DDX10: variants seen among roughly 807,000 people sequenced by gnomAD.
DDX10 encodes the protein probable ATP-dependent RNA helicase DDX10.
DDX10 carries 74 observed loss-of-function variants against 104.3 expected under a neutral mutation model. That is an observed-to-expected ratio of 0.71 (90% confidence interval 0.59 to 0.86). The LOEUF is 0.86. Among genes scored for constraint, DDX10 ranks in the 40% least tolerant of loss-of-function variants. DDX10 has a pLI of 0.00. For synonymous variants in DDX10, 351 were observed against 353.4 expected (o/e 0.99, Z 0.08); for missense variants, 952 against 1,040.0 (o/e 0.92, Z 1.16).
At chr11:108,776,857 A>G (rs2094370570) in intron 13 of DDX10, among the ~76,000 whole-genome samples, 1 of 152,216 alleles carries the variant, frequency 6.6e-6, no homozygotes, top group Non-Finnish European at 1.5e-5. Flanking sequence ...CAGTCCTACA[A>G]CCGGAAAGGA....
intron 17 of DDX10, among the ~76,000 whole-genome samples, chr11:108,927,196 G>C (rs1863920133): frequency 6.6e-6 from 1 of 152,198 alleles, no homozygotes; most frequent in Non-Finnish European, 1.5e-5. Context: ...TGCTCAGACA[G>C]TCTAATAAAG....
chr11:108,864,355 T>C (rs1319251539), intron 16 of DDX10, among the ~76,000 whole-genome samples: 2 of 152,052 alleles, frequency 1.3e-5, no homozygotes, highest in Non-Finnish European at 2.9e-5. Flanking sequence ...TATATATGTA[T>C]AATTATGATA....
At chr11:108,903,611 C>T (rs753484888) in intron 16 of DDX10, among the ~76,000 whole-genome samples, 17 of 152,102 alleles carry the variant, frequency 1.1e-4, no homozygotes, top group East Asian at 9.6e-4. Flanking sequence ...AATCTAGAGA[C>T]GACTTAAAGT....
chr11:108,685,761 T>C (rs1398526482), intron 6 of DDX10, among the ~76,000 whole-genome samples: 1 of 152,244 alleles, frequency 6.6e-6, no homozygotes, highest in Non-Finnish European at 1.5e-5. Flanking sequence ...ATCTCTTTTC[T>C]CTTCTGCCAA....
intron 10 of DDX10, among the ~76,000 whole-genome samples, chr11:108,715,612 A>C (rs919121456): frequency 1.3e-5 from 2 of 152,226 alleles, no homozygotes; most frequent in African/African-American, 4.8e-5. Flanking sequence ...TAAGTAGCCA[A>C]TGCTAACTGT....
intron 13 of DDX10, among the ~76,000 whole-genome samples, chr11:108,831,482 A>G (rs1862471290): frequency 6.7e-6 from 1 of 149,834 alleles, no homozygotes; most frequent in African/African-American, 2.4e-5. Flanking sequence ...GGCTTCAGCT[A>G]TAATAGGTAA....
chr11:108,884,064 C>G (rs954172928), intron 16 of DDX10, among the ~76,000 whole-genome samples: 2 of 152,286 alleles, frequency 1.3e-5, no homozygotes, highest in Non-Finnish European at 2.9e-5. Flanking sequence ...TTGATGAACC[C>G]TAAATTTCTA....
intron 11 of DDX10, 125 bp downstream of exon 11, chr11:108,716,091 A>G (rs2094290946): frequency 1.5e-6 from 1 of 666,022 alleles, no homozygotes; most frequent in Non-Finnish European, 2.7e-6. Context: ...GCTGACAGAT[A>G]AGTCTAGCTT....
At chr11:108,926,083 A>G (rs1329926135) in intron 17 of DDX10, among the ~76,000 whole-genome samples, 1 of 152,212 alleles carries the variant, frequency 6.6e-6, no homozygotes, top group Non-Finnish European at 1.5e-5. Context: ...AATGTTCTAC[A>G]TGCAGATTAG....
intron 13 of DDX10, 118 bp downstream of exon 13, chr11:108,723,580 A>G (rs751993750): frequency 1.0e-4 from 99 of 973,326 alleles, no homozygotes; most frequent in Non-Finnish European, 1.5e-4. Flanking sequence ...TTTCTTTGCA[A>G]TGAACTCTTC....
At chr11:108,677,643 A>AT (rs1228964672) in intron 4 of DDX10, among the ~76,000 whole-genome samples, 2 of 150,644 alleles carry the variant, frequency 1.3e-5, no homozygotes, top group East Asian at 3.9e-4. Context: ...CTTTAGAGGA[A>AT]TGTTTATAGT....
rs114980077 is a variant in DDX10, at chr11:108,786,963, G to T, written c.1966-51483G>T. ...TCTGTGAGCTATTGTGCTTGAGTGT[G>T]TTTTAGTGGTAGCAGGTTTTAAACT... On this transcript the variant is annotated intron_variant, in intron 13 of 17. Coordinates refer to ENST00000322536, the MANE Select transcript of DDX10 (RefSeq NM_004398.4). Among the ~76,000 whole-genome samples, 251 of 152,226 alleles carry T rather than the reference G, an allele frequency of 1.6e-3. 1 individual carries two copies. Among genetic ancestry groups the T allele is most frequent in the African/African-American group, 5.9e-3 (243 of 41,538 alleles).
intron 1 of DDX10, among the ~76,000 whole-genome samples, chr11:108,666,908 A>T (rs1432751694): frequency 6.6e-6 from 1 of 152,150 alleles, no homozygotes; most frequent in Non-Finnish European, 1.5e-5. Flanking sequence ...TCAGCACCAC[A>T]TCCTAGCTCC....
intron 16 of DDX10, among the ~76,000 whole-genome samples, chr11:108,915,520 T>C (rs1863736691): frequency 6.6e-6 from 1 of 151,892 alleles, no homozygotes; most frequent in African/African-American, 2.4e-5. Context: ...AAAAATTATA[T>C]AATGCAATGT....
At chr11:108,784,123 T>C (rs1329508138) in intron 13 of DDX10, among the ~76,000 whole-genome samples, 2 of 152,190 alleles carry the variant, frequency 1.3e-5, no homozygotes, top group Non-Finnish European at 2.9e-5. Flanking sequence ...TACAAGTACA[T>C]ATATGTTTTT....
intron 11 of DDX10, among the ~76,000 whole-genome samples, chr11:108,717,007 C>T (rs528472707): frequency 4.7e-4 from 72 of 152,034 alleles, no homozygotes; most frequent in Middle Eastern, 6.8e-3. Flanking sequence ...GCTTTCCAAT[C>T]TTTCTAATCT....
At chr11:108,802,613 C>CT (rs1410189503) in intron 13 of DDX10, among the ~76,000 whole-genome samples, 1 of 152,096 alleles carries the variant, frequency 6.6e-6, no homozygotes, top group Non-Finnish European at 1.5e-5. Context: ...TTTTCTGAAA[C>CT]TTTTTTCTCT....
At chr11:108,706,030 G>A (rs977085698) in intron 9 of DDX10, among the ~76,000 whole-genome samples, 2 of 151,720 alleles carry the variant, frequency 1.3e-5, no homozygotes, top group African/African-American at 4.8e-5. Context: ...GGAGTGCAGT[G>A]GCATGATCTC....
intron 13 of DDX10, among the ~76,000 whole-genome samples, chr11:108,785,684 T>A (rs940509025): frequency 6.6e-6 from 1 of 152,164 alleles, no homozygotes; most frequent in Non-Finnish European, 1.5e-5. Context: ...CAGGAACTTA[T>A]CCATTTCCTC....
Sources: allele counts gnomAD v4.1 joint callset (sites outside exome capture counted in the v4.1 genomes callset), GRCh38; gene constraint gnomAD v4.1.1; transcripts MANE v1.5; gene names NCBI Gene and HGNC (gene_info 2026-07-23, HGNC 2026-07-21).